HSPA12B: variants seen among roughly 807,000 people sequenced by gnomAD.
The protein encoded by HSPA12B is heat shock protein family A (Hsp70) member 12B, also known as heat shock 70 kDa protein 12B.
Under a neutral mutation model 69.3 loss-of-function variants are expected in HSPA12B, and 54 were observed. That is an observed-to-expected ratio of 0.78 (90% CI 0.63 to 0.98). HSPA12B has a LOEUF of 0.98. HSPA12B is among the 50% of genes least tolerant of loss of function. HSPA12B has a pLI of 0.00. For missense variants in HSPA12B, 929 were observed against 999.8 expected (o/e 0.93, Z 0.96); for synonymous variants, 441 against 436.5 (o/e 1.01, Z -0.13).
intron 11 of HSPA12B, 186 bp from the exon 12 acceptor site, chr20:3,750,618 C>G (rs547105200): frequency 5.1e-6 from 5 of 971,730 alleles, no homozygotes; most frequent in Non-Finnish European, 6.1e-6. Context: ...ACTAAATCCT[C>G]TGAGTGAGTA....
At position 3,735,652 on chromosome 20, in the gene HSPA12B, G is replaced by A. The variant is rs372553977; in HGVS notation, c.-18+2858G>A. 1.8e-4 allele frequency among the ~76,000 whole-genome samples: 27 copies of A among 152,174 alleles called. No individual in the cohort carries two copies. The East Asian group carries it at 4.8e-3, about 27-fold the overall frequency. On this transcript the variant is annotated intron_variant, in intron 1 of 12. Coordinates refer to ENST00000254963, the MANE Select transcript of HSPA12B (RefSeq NM_052970.5). ...GGCTAATTTTTGTATTTTTAGTAGA[G>A]ACAAGGTTTCACCATGTTGGCCAGG...
chr20:3,740,799 C>A lies in HSPA12B; in HGVS notation c.44-16C>A. On this transcript the variant is annotated splice_polypyrimidine_tract_variant and intron_variant, in intron 2 of 12. Coordinates refer to ENST00000254963, the MANE Select transcript of HSPA12B (RefSeq NM_052970.5). This position sits in a 1 kb window ranked among gnomAD's most constrained non-coding sequence, Gnocchi z 4.9. ...CCCTGCTTGTGCCAGGATGAACTGCCGTCTCTTCTCTGCAGGCTCCAGCCC... is the reference window on the plus strand; with the variant it reads ...CCCTGCTTGTGCCAGGATGAACTGCAGTCTCTTCTCTGCAGGCTCCAGCCC... 1 of 1,608,506 alleles carries A rather than the reference C, an allele frequency of 6.2e-7. No homozygotes were observed. Among genetic ancestry groups the A allele is most frequent in the Non-Finnish European group, 8.5e-7 (1 of 1,176,516 alleles).
In HSPA12B at chr20:3,749,955, C is replaced by T. The variant is rs492010; in HGVS notation, c.1043-14C>T. 1.3e-6 allele frequency: 2 copies of T among 1,553,932 alleles called. No individual in the cohort carries two copies. Among genetic ancestry groups the T allele is most frequent in the Non-Finnish European group, 8.7e-7 (1 of 1,147,042 alleles). On this transcript the variant is annotated splice_polypyrimidine_tract_variant and intron_variant, in intron 10 of 12. Coordinates refer to ENST00000254963, the MANE Select transcript of HSPA12B (RefSeq NM_052970.5). This position sits in a 1 kb window ranked among gnomAD's most constrained non-coding sequence, Gnocchi z 5.5. ...CGAGCGCTGACGCCCTCTTCGCCCCCTGCTCCACCCCAGGGGGCCCTTATG... is the reference window on the plus strand; with the variant it reads ...CGAGCGCTGACGCCCTCTTCGCCCCTTGCTCCACCCCAGGGGGCCCTTATG...
At chr20:3,747,520 A>G (rs1000496065) in intron 7 of HSPA12B, among the ~76,000 whole-genome samples, 2 of 152,104 alleles carry the variant, frequency 1.3e-5, no homozygotes, top group East Asian at 3.9e-4. Context: ...TCACACCCTT[A>G]TCCCTCTCCC....
chr20:3,750,179 A>G lies in HSPA12B; in HGVS notation c.1253A>G (p.Tyr418Cys), dbSNP rs530230071. 1.9e-6 allele frequency: 3 copies of G among 1,609,464 alleles called. No homozygotes were observed. The highest frequency in any genetic ancestry group is 4.5e-5 in the East Asian group (2 of 44,696). Residue 418 changes from tyrosine to cysteine, a missense_variant, in exon 11 of 13, where the codon TAC (tyrosine) becomes TGC (cysteine). This residue lies in a region of HSPA12B where 448 missense variants were observed against 448.1 expected (regional missense o/e 1.00). Coordinates refer to ENST00000254963, the MANE Select transcript of HSPA12B (RefSeq NM_052970.5). ...ISLPFSFIDF[Y>C]RKQRGHNVET... Reference sequence around the variant, plus strand: ...CTGCCCTTCTCCTTCATTGACTTCTACCGCAAGCAGCGGGGCCACAACGTG... The same window carrying G: ...CTGCCCTTCTCCTTCATTGACTTCTGCCGCAAGCAGCGGGGCCACAACGTG...
Position 3,751,507 on chromosome 20 carries a change from G to A in HSPA12B, c.1406-4G>A, listed in dbSNP as rs1249101710. The A allele has an allele frequency of 4.9e-6, 7 of 1,417,608 alleles. No individual in the cohort carries two copies. Among genetic ancestry groups the A allele is most frequent in the South Asian group, 1.6e-5 (1 of 64,384 alleles). The allele number at this position is 1,417,608 out of a possible 1,614,324, so 87.8% of individuals were successfully genotyped here. ...CACCCGCGTCCCCCCGTCCTGTCCC[G>A]CAGAGGCCCTGCTGGCACGGCCGGA... is the stretch of plus-strand genomic sequence containing the variant. On this transcript the variant is annotated splice_polypyrimidine_tract_variant and splice_region_variant and intron_variant, in intron 12 of 12. Coordinates refer to ENST00000254963, the MANE Select transcript of HSPA12B (RefSeq NM_052970.5).
At position 3,750,024 on chromosome 20, in the gene HSPA12B, C is replaced by T. The variant is rs1273609883; in HGVS notation, c.1098C>T (p.Arg366=). Residue 366 remains arginine, a synonymous_variant, in exon 11 of 13, where the codon CGC becomes CGT. Coordinates refer to ENST00000254963, the MANE Select transcript of HSPA12B (RefSeq NM_052970.5). ...TGGCCTTCGAGCAGCTGCTGTGCCG[C>T]ATCTTCGGCGAGGACTTCATCGCCA... ...VDLAFEQLLC[R]IFGEDFIATF... 6.3e-7 allele frequency: 1 copy of T among 1,598,348 alleles called. No homozygotes were observed. Among genetic ancestry groups the T allele is most frequent in the Non-Finnish European group, 8.5e-7 (1 of 1,173,360 alleles).
In HSPA12B at chr20:3,751,978, C is replaced by T; in HGVS notation, c.1873C>T (p.Arg625Cys). 1 of 1,576,344 alleles carries T rather than the reference C, an allele frequency of 6.3e-7. No homozygotes were observed. The highest frequency in any genetic ancestry group is 1.8e-5 in the Admixed American group (1 of 56,666). The change falls in exon 13 of 13, where the codon CGC (arginine) becomes TGC (cysteine). Residue 625 changes from arginine (R) to cysteine (C), a missense_variant. Physicochemically the swap from Arg to Cys is radical, Grantham distance 180 (BLOSUM62 -3). This residue lies in a region of HSPA12B where 448 missense variants were observed against 448.1 expected (regional missense o/e 1.00). Transcript: ENST00000254963. ...DARFITDPGV[R>C]KCGALSLELE... ...GCGCTTCATCACCGACCCCGGCGTG[C>T]GCAAATGCGGCGCGCTCAGCCTCGA...
chr20:3,744,778 G>A lies in HSPA12B; in HGVS notation c.267-124G>A, dbSNP rs1046412922. ...CTTGTGTTTTCTCCTGCTGCCTATG[G>A]AGCCGACCCATAGCTAGTTCTCCCT... On this transcript the variant is annotated intron_variant, in intron 4 of 12. Coordinates refer to ENST00000254963, the MANE Select transcript of HSPA12B (RefSeq NM_052970.5). This position sits in a 1 kb window ranked among gnomAD's most constrained non-coding sequence, Gnocchi z 4.9. 1.2e-6 allele frequency: 1 copy of A among 821,468 alleles called. No individual in the cohort carries two copies. The highest frequency in any genetic ancestry group is 2.4e-5 in the Admixed American group (1 of 41,812). The allele number at this position is 821,468 out of a possible 1,614,324, so 50.9% of individuals were successfully genotyped here.
chr20:3,737,869 G>A lies in HSPA12B; in HGVS notation c.-17-789G>A, dbSNP rs971594523. 6.6e-6 allele frequency among the ~76,000 whole-genome samples: 1 copy of A among 152,134 alleles called. No individual in the cohort carries two copies. The highest frequency in any genetic ancestry group is 6.5e-5 in the Admixed American group (1 of 15,272). Reference sequence around the variant, plus strand: ...AATACAAAAATTAGCTGGGCATGGAGGCACTCACCTGTAATCCCAGCTACT... The same window carrying A: ...AATACAAAAATTAGCTGGGCATGGAAGCACTCACCTGTAATCCCAGCTACT... On this transcript the variant is annotated intron_variant, in intron 1 of 12. Transcript: ENST00000254963. This position sits in a 1 kb window ranked among gnomAD's most constrained non-coding sequence, Gnocchi z 4.1.
Position 3,751,975 on chromosome 20 carries a change from G to A in HSPA12B, c.1870G>A (p.Val624Met). ...TGCGCGCTTCATCACCGACCCCGGC[G>A]TGCGCAAATGCGGCGCGCTCAGCCT... ...EDARFITDPGVRKCGALSLEL... is the reference protein window; with the variant it reads ...EDARFITDPGMRKCGALSLEL... The change falls in exon 13 of 13, where the codon GTG (valine) becomes ATG (methionine). Residue 624 changes from valine (V) to methionine (M), a missense_variant. Val to Met is a conservative substitution (Grantham distance 21, BLOSUM62 1). Around this residue, in one of 3 missense-constraint regions of HSPA12B, gnomAD observed 448 missense variants for 448.1 expected, o/e 1.00. Transcript: ENST00000254963. The A allele has an allele frequency of 8.9e-6, 14 of 1,576,718 alleles. No individual in the cohort carries two copies. The highest frequency in any genetic ancestry group is 2.3e-5 in the East Asian group (1 of 43,128).
In HSPA12B at chr20:3,752,004, G is replaced by A; in HGVS notation, c.1899G>A (p.Glu633=). 1 of 1,567,302 alleles carries A rather than the reference G, an allele frequency of 6.4e-7. No homozygotes were observed. The highest frequency in any genetic ancestry group is 1.4e-5 in the African/African-American group (1 of 73,446). ...GVRKCGALSL[E]LEPADCGQDT... ...GCAAATGCGGCGCGCTCAGCCTCGAGCTTGAGCCCGCCGACTGCGGCCAGG... is the reference window on the plus strand; with the variant it reads ...GCAAATGCGGCGCGCTCAGCCTCGAACTTGAGCCCGCCGACTGCGGCCAGG... Residue 633 remains glutamate, a synonymous_variant, in exon 13 of 13, where the codon GAG becomes GAA. Coordinates refer to ENST00000254963, the MANE Select transcript of HSPA12B (RefSeq NM_052970.5).
Position 3,737,760 on chromosome 20 carries a change from T to C in HSPA12B, c.-17-898T>C, listed in dbSNP as rs1361268792. 6.6e-6 allele frequency among the ~76,000 whole-genome samples: 1 copy of C among 152,172 alleles called. No homozygotes were observed. Among genetic ancestry groups the C allele is most frequent in the Non-Finnish European group, 1.5e-5 (1 of 68,038 alleles). Reference sequence around the variant, plus strand: ...GCTCATGCCTGTAATCCCAGCACTTTGAGAGGCCGAGGTGGGCGGATCACC... The same window carrying C: ...GCTCATGCCTGTAATCCCAGCACTTCGAGAGGCCGAGGTGGGCGGATCACC... On this transcript the variant is annotated intron_variant, in intron 1 of 12. Transcript: ENST00000254963. This position sits in a 1 kb window ranked among gnomAD's most constrained non-coding sequence, Gnocchi z 4.1.
chr20:3,744,201 G>A lies in HSPA12B; in HGVS notation c.267-701G>A, dbSNP rs1039958009. ...GGTGAATGGAGACATAGACAGACAG[G>A]TAACTGCTCCCAAAATACATGGGAC... On this transcript the variant is annotated intron_variant, in intron 4 of 12. Coordinates refer to ENST00000254963, the MANE Select transcript of HSPA12B (RefSeq NM_052970.5). The surrounding 1 kb of genome is among the most constrained non-coding windows in gnomAD (Gnocchi z 4.9). Among the ~76,000 whole-genome samples, 19 of 152,170 alleles carry A rather than the reference G, an allele frequency of 1.2e-4. No homozygotes were observed. The highest frequency in any genetic ancestry group is 4.6e-4 in the African/African-American group (19 of 41,430).
In HSPA12B at chr20:3,751,804, C is replaced by A. The variant is rs2088428347; in HGVS notation, c.1699C>A (p.Arg567Ser). 1 of 1,529,436 alleles carries A rather than the reference C, an allele frequency of 6.5e-7. No individual in the cohort carries two copies. The highest frequency in any genetic ancestry group is 8.7e-7 in the Non-Finnish European group (1 of 1,143,904). 94.7% of individuals were successfully genotyped at this position (1,529,436 alleles called of 1,614,324 possible). The change falls in exon 13 of 13, where the codon CGC (arginine) becomes AGC (serine). Residue 567 changes from arginine to serine, a missense_variant. Around this residue, in one of 3 missense-constraint regions of HSPA12B, gnomAD observed 448 missense variants for 448.1 expected, o/e 1.00. Transcript: ENST00000254963. ...CGAAAAGCTGCTGGTTCGCGACGGC[C>A]GCCGCTGGTGCACCGACGTCTTCGA... ...PPEKLLVRDG[R>S]RWCTDVFERF...
Position 3,752,918 on chromosome 20 carries a change from G to C in HSPA12B, c.*752G>C, listed in dbSNP as rs2088454261. On this transcript the variant is annotated 3_prime_UTR_variant, in exon 13 of 13. Coordinates refer to ENST00000254963, the MANE Select transcript of HSPA12B (RefSeq NM_052970.5). ...AGAGCAGCTGGAGGGTGGATGGGGA[G>C]GCCAGAGGGAGCAATGAGGGGTGGT... The C allele has an allele frequency of 6.5e-6, 1 of 153,806 alleles. No individual in the cohort carries two copies. The highest frequency in any genetic ancestry group is 1.5e-5 in the Non-Finnish European group (1 of 68,118). The allele number at this position is 153,806 out of a possible 1,614,324, so 9.5% of individuals were successfully genotyped here. A position where few individuals can be genotyped will look rare whatever the true frequency, so the allele number is the denominator to read the frequency against.
In HSPA12B at chr20:3,745,936, TC is replaced by T; in HGVS notation, c.581del (p.Ser194CysfsTer12). The T allele has an allele frequency of 6.2e-7, 1 of 1,614,018 alleles. No individual in the cohort carries two copies. Among genetic ancestry groups the T allele is most frequent in the African/African-American group, 1.3e-5 (1 of 75,040 alleles). ...ALQELREQSP[S>X]LPEKDTVRWV... ...CCAGGAGCTGAGGGAGCAGAGCCCA[TC>T]GCTGCCAGAGAAGGACACTGTGCGC... On this transcript the variant is annotated frameshift_variant, in exon 7 of 13. Transcript: ENST00000254963. LOFTEE classifies it high-confidence loss of function. The surrounding 1 kb of genome is among the most constrained non-coding windows in gnomAD (Gnocchi z 5.6).
chr20:3,749,656 C>T lies in HSPA12B; in HGVS notation c.938-94C>T. ...GACCCTGCAGACAGGCCTTGGGACC[C>T]GGGGCAGGGCTGGAGGCTGGGCGAG... On this transcript the variant is annotated intron_variant, in intron 9 of 12. Coordinates refer to ENST00000254963, the MANE Select transcript of HSPA12B (RefSeq NM_052970.5). The surrounding 1 kb of genome is among the most constrained non-coding windows in gnomAD (Gnocchi z 5.5). The T allele has an allele frequency of 1.1e-6, 1 of 940,188 alleles. No homozygotes were observed. The highest frequency in any genetic ancestry group is 1.6e-6 in the Non-Finnish European group (1 of 638,354). 58.2% of individuals were successfully genotyped at this position (940,188 alleles called of 1,614,324 possible). A position where few individuals can be genotyped will look rare whatever the true frequency, so the allele number is the denominator to read the frequency against.
chr20:3,748,408 G>A lies in HSPA12B; in HGVS notation c.850+17G>A, dbSNP rs1327706299. 1.9e-6 allele frequency: 3 copies of A among 1,565,436 alleles called. No individual in the cohort carries two copies. Among genetic ancestry groups the A allele is most frequent in the Non-Finnish European group, 2.6e-6 (3 of 1,158,332 alleles). On this transcript the variant is annotated intron_variant, in intron 8 of 12. Coordinates refer to ENST00000254963, the MANE Select transcript of HSPA12B (RefSeq NM_052970.5). Reference sequence around the variant, plus strand: ...TCCGTCAGGGTGAGCTGCCCCCGGGGACACCACCCACCCCTGGAGGGTCAG... The same window carrying A: ...TCCGTCAGGGTGAGCTGCCCCCGGGAACACCACCCACCCCTGGAGGGTCAG...
Sources: allele counts gnomAD v4.1 joint callset (sites outside exome capture counted in the v4.1 genomes callset), GRCh38; gene constraint gnomAD v4.1.1; regional missense constraint gnomAD v4.1.1; non-coding constraint Gnocchi (gnomAD v3.1); transcripts MANE v1.5; gene names NCBI Gene and HGNC (gene_info 2026-07-23, HGNC 2026-07-21).